Variants in PLCL2 observed in about 807,000 individuals in gnomAD.
PLCL2 encodes phospholipase C like 2.
In PLCL2, 4 loss-of-function variants were observed where a neutral mutation model predicts 79.6. The ratio of observed to expected loss-of-function variants is 0.05; its 90% confidence interval spans 0.02 to 0.11. The LOEUF (loss-of-function observed/expected upper bound fraction) is 0.11, where lower values mean the gene tolerates loss of function less well. Among genes scored for constraint, PLCL2 ranks in the 10% least tolerant of loss-of-function variants. The pLI is 1.00. For synonymous variants in PLCL2, 484 were observed against 457.7 expected (o/e 1.06, Z -0.73); for missense variants, 895 against 1,291.0 (o/e 0.69, Z 4.70).
chr3:16,945,189 T>C (rs1416349852), intron 1 of PLCL2, among the ~76,000 whole-genome samples: 2 of 152,090 alleles, frequency 1.3e-5, no homozygotes, highest in African/African-American at 4.8e-5. Context: ...AATCATCTTC[T>C]CAGCAAGGCT....
intron 1 of PLCL2, among the ~76,000 whole-genome samples, chr3:16,971,327 C>A (rs950274071): frequency 6.6e-6 from 1 of 152,106 alleles, no homozygotes; most frequent in Non-Finnish European, 1.5e-5. Flanking sequence ...GGAATCCTTT[C>A]CCCATTGCTT....
intron 1 of PLCL2, among the ~76,000 whole-genome samples, chr3:16,940,532 G>A (rs1224617391): frequency 1.3e-5 from 2 of 152,040 alleles, no homozygotes; most frequent in Admixed American, 6.5e-5. Flanking sequence ...ACTACCTATC[G>A]GATACTGTGC....
At chr3:17,078,912 T>C (rs2065134529) in intron 5 of PLCL2, among the ~76,000 whole-genome samples, 2 of 152,208 alleles carry the variant, frequency 1.3e-5, no homozygotes, top group South Asian at 4.1e-4. Context: ...TTTCTCTATT[T>C]AGTGTGTGAA....
chr3:16,947,231 C>T (rs1222861598), intron 1 of PLCL2, among the ~76,000 whole-genome samples: 5 of 151,898 alleles, frequency 3.3e-5, no homozygotes, highest in Non-Finnish European at 5.9e-5. Context: ...ATTATAGGCG[C>T]GAGCCACCGC....
intron 1 of PLCL2, among the ~76,000 whole-genome samples, chr3:16,909,239 G>A (rs1438332939): frequency 6.6e-6 from 1 of 152,198 alleles, no homozygotes; most frequent in East Asian, 1.9e-4. Context: ...AACTTAAAAT[G>A]TACACTCTCA....
intron 4 of PLCL2, among the ~76,000 whole-genome samples, chr3:17,065,881 C>T (rs2065005087): frequency 6.6e-6 from 1 of 152,182 alleles, no homozygotes; most frequent in Non-Finnish European, 1.5e-5. Context: ...CCTACAATTC[C>T]AGTCATGGAT....
At chr3:17,056,100 A>G (rs2064889564) in intron 4 of PLCL2, among the ~76,000 whole-genome samples, 1 of 152,140 alleles carries the variant, frequency 6.6e-6, no homozygotes, top group South Asian at 2.1e-4. Flanking sequence ...TTGTATTTAA[A>G]TAGCAACTCT....
chr3:16,921,775 C>T (rs1265969063), intron 1 of PLCL2, among the ~76,000 whole-genome samples: 1 of 152,072 alleles, frequency 6.6e-6, no homozygotes, highest in Non-Finnish European at 1.5e-5. Context: ...ATAACCACCA[C>T]CTTTCTATTA....
At chr3:16,963,611 A>T (rs1294054219) in intron 1 of PLCL2, among the ~76,000 whole-genome samples, 1 of 152,178 alleles carries the variant, frequency 6.6e-6, no homozygotes, top group African/African-American at 2.4e-5. Context: ...CTTTGAAAGT[A>T]GAATAGAGAG....
At position 16,930,892 on chromosome 3, in the gene PLCL2, G is replaced by A. The variant is rs549863143; in HGVS notation, c.327+45526G>A. On this transcript the variant is annotated intron_variant, in intron 1 of 5. Coordinates refer to ENST00000615277, the MANE Select transcript of PLCL2 (RefSeq NM_001144382.2). ...AATCTTGGCACCATCTTTATCTCCC[G>A]TTTTGCTAACTCCCGTGTACATTTG... Among the ~76,000 whole-genome samples the A allele has an allele frequency of 4.6e-5, 7 of 152,134 alleles. No homozygotes were observed. In the South Asian group the frequency reaches 6.2e-4, roughly 14 times the overall value.
chr3:16,993,417 T>C (rs1039489277), intron 1 of PLCL2, among the ~76,000 whole-genome samples: 3 of 152,196 alleles, frequency 2.0e-5, no homozygotes, highest in Non-Finnish European at 2.9e-5. Flanking sequence ...TCATTCCCAG[T>C]GCTCTCTCTC....
intron 1 of PLCL2, among the ~76,000 whole-genome samples, chr3:16,963,280 CAT>C (rs902727116): frequency 6.6e-6 from 1 of 151,810 alleles, no homozygotes; most frequent in African/African-American, 2.4e-5. Context: ...CACACATCTA[CAT>C]ATATATATAC....
chr3:17,077,413 A>T (rs1021304030), intron 5 of PLCL2, among the ~76,000 whole-genome samples: 2 of 152,068 alleles, frequency 1.3e-5, no homozygotes, highest in South Asian at 4.2e-4. Flanking sequence ...TGCCAACATG[A>T]CTTCTGTGAG....
intron 5 of PLCL2, among the ~76,000 whole-genome samples, chr3:17,086,686 A>G (rs1394254008): frequency 6.6e-6 from 1 of 152,236 alleles, no homozygotes; most frequent in Non-Finnish European, 1.5e-5. Context: ...GACACACCTG[A>G]TAAAGTACTG....
intron 3 of PLCL2, among the ~76,000 whole-genome samples, chr3:17,035,555 G>GC (rs1001938024): frequency 6.6e-6 from 1 of 152,006 alleles, no homozygotes; most frequent in African/African-American, 2.4e-5. Flanking sequence ...TATAGCAGTG[G>GC]CCCCCACCTG....
chr3:17,004,805 G>A (rs2064244895), intron 1 of PLCL2, among the ~76,000 whole-genome samples: 1 of 152,084 alleles, frequency 6.6e-6, no homozygotes, highest in East Asian at 1.9e-4. Context: ...GTATTGTTGT[G>A]TAAAAGAGAA....
At chr3:17,067,041 A>T (rs2065017423) in intron 4 of PLCL2, among the ~76,000 whole-genome samples, 1 of 152,196 alleles carries the variant, frequency 6.6e-6, no homozygotes, top group African/African-American at 2.4e-5. Flanking sequence ...CAAAAAAAGC[A>T]CTTCCCTCCA....
At chr3:16,965,378 A>C (rs1252179837) in intron 1 of PLCL2, among the ~76,000 whole-genome samples, 2 of 152,058 alleles carry the variant, frequency 1.3e-5, no homozygotes, top group Non-Finnish European at 1.5e-5. Context: ...CCATTGGTCT[A>C]TATGTCTGTT....
intron 4 of PLCL2, among the ~76,000 whole-genome samples, chr3:17,065,659 T>TC (rs1474866258): frequency 3.3e-5 from 5 of 152,220 alleles, no homozygotes; most frequent in African/African-American, 1.2e-4. Context: ...CTATTATTGT[T>TC]CCACCTTGTG....
Sources: gnomAD v4.1 joint callset for allele counts (sites outside exome capture counted in the v4.1 genomes callset) on GRCh38, gnomAD v4.1.1 for gene constraint, MANE v1.5 for transcripts, NCBI Gene and HGNC (gene_info 2026-07-23, HGNC 2026-07-21) for gene names.